Variants in SPOCK1 observed in about 807,000 individuals in gnomAD.
The protein encoded by SPOCK1 is testican-1.
A neutral mutation model predicts 55.3 loss-of-function variants in SPOCK1; 23 were observed. That is an observed-to-expected ratio of 0.42 (90% CI 0.30 to 0.59). The LOEUF (loss-of-function observed/expected upper bound fraction) is 0.59. SPOCK1 is among the 20% of genes least tolerant of loss of function. SPOCK1 has a pLI of 0.22. For missense variants in SPOCK1, 499 were observed against 552.5 expected (o/e 0.90, Z 0.97); for synonymous variants, 226 against 221.0 (o/e 1.02, Z -0.20).
At chr5:137,012,590 A>C (rs1171942759) in intron 6 of SPOCK1, among the ~76,000 whole-genome samples, 1 of 152,198 alleles carries the variant, frequency 6.6e-6, no homozygotes, top group Non-Finnish European at 1.5e-5. Flanking sequence ...AGTTTGCCCC[A>C]AGGCTGTCTG....
At chr5:136,992,399 G>GGT in intron 7 of SPOCK1, 85 bp downstream of exon 7, 1 of 973,366 alleles carries the variant, frequency 1.0e-6, no homozygotes, top group Non-Finnish European at 1.5e-6. Context: ...TAATGTAATG[G>GGT]GTGTTTTTCA....
rs192596195 is a variant in SPOCK1, at chr5:137,398,541, A to T, written c.186+99832T>A. 2.4e-3 allele frequency among the ~76,000 whole-genome samples: 360 copies of T among 152,286 alleles called. 6 individuals are homozygous for T. Among genetic ancestry groups the T allele is most frequent in the Admixed American group, 0.021 (325 of 15,302 alleles). ...ACTCAATCCCTTCAAGCAGCTTCTG[A>T]TAGGATATGCAGAACACATTCTTCT... On this transcript the variant is annotated intron_variant, in intron 2 of 10. Transcript: ENST00000394945.
chr5:137,145,155 CA>C (rs781482791), intron 3 of SPOCK1, among the ~76,000 whole-genome samples: 2 of 152,136 alleles, frequency 1.3e-5, no homozygotes, highest in Non-Finnish European at 2.9e-5. Context: ...TGACTTTTTA[CA>C]GAAACCTTTC....
At chr5:137,408,727 A>G (rs1429262357) in intron 2 of SPOCK1, among the ~76,000 whole-genome samples, 1 of 152,152 alleles carries the variant, frequency 6.6e-6, no homozygotes, top group Non-Finnish European at 1.5e-5. Flanking sequence ...ATGTCATGGT[A>G]AAGGACACCA....
intron 2 of SPOCK1, among the ~76,000 whole-genome samples, chr5:137,456,674 A>G (rs369394474): frequency 2.8e-4 from 42 of 152,344 alleles, no homozygotes; most frequent in African/African-American, 9.9e-4. Context: ...TCAAGGAGGT[A>G]ATAATGAATG....
chr5:137,469,712 C>A (rs548169783), intron 2 of SPOCK1, among the ~76,000 whole-genome samples: 2 of 152,300 alleles, frequency 1.3e-5, no homozygotes, highest in South Asian at 2.1e-4. Context: ...GATATACACA[C>A]CCCGTTCTCC....
intron 2 of SPOCK1, among the ~76,000 whole-genome samples, chr5:137,281,598 G>T (rs986444456): frequency 6.6e-5 from 10 of 152,242 alleles, no homozygotes; most frequent in Non-Finnish European, 1.3e-4. Context: ...CCAGAAATAT[G>T]CAGGAGAAAG....
rs950723172 is a variant in SPOCK1 at position 137,157,543 on chromosome 5, C to T, written c.233-16849G>A. 1.1e-4 allele frequency among the ~76,000 whole-genome samples: 16 copies of T among 152,190 alleles called. 1 individual carries two copies. The highest frequency in any genetic ancestry group is 2.4e-4 in the Non-Finnish European group (16 of 68,034). On this transcript the variant is annotated intron_variant, in intron 3 of 10. Transcript: ENST00000394945. ...CCCAGAGCAAGAAAGGGACCTCTTC[C>T]TCCCAGTGCTTTTGCTGGGCTGGGT...
chr5:137,208,847 C>A (rs1755563274), intron 3 of SPOCK1, among the ~76,000 whole-genome samples: 1 of 151,968 alleles, frequency 6.6e-6, no homozygotes, highest in Non-Finnish European at 1.5e-5. Context: ...ACATGTACCC[C>A]CTGAATCTAA....
At chr5:137,180,441 C>T (rs1296462448) in intron 3 of SPOCK1, among the ~76,000 whole-genome samples, 2 of 152,076 alleles carry the variant, frequency 1.3e-5, no homozygotes, top group Non-Finnish European at 2.9e-5. Context: ...TATCTTATTC[C>T]TCAATGGCTC....
chr5:137,041,590 A>C (rs1167456298), intron 6 of SPOCK1, among the ~76,000 whole-genome samples: 2 of 152,254 alleles, frequency 1.3e-5, no homozygotes, highest in East Asian at 3.8e-4. Context: ...TGTATCCAAA[A>C]TACAAACGCT....
intron 2 of SPOCK1, among the ~76,000 whole-genome samples, chr5:137,436,227 G>A (rs1229145010): frequency 6.6e-6 from 1 of 152,022 alleles, no homozygotes; most frequent in African/African-American, 2.4e-5. Context: ...TTTTGTTTCT[G>A]TTGACTTCCC....
chr5:137,082,463 G>A (rs1216829268), intron 5 of SPOCK1, among the ~76,000 whole-genome samples: 1 of 152,180 alleles, frequency 6.6e-6, no homozygotes, highest in Non-Finnish European at 1.5e-5. Flanking sequence ...GGTGGCATGG[G>A]TGCAGTCAAG....
At chr5:137,266,391 TA>T (rs758660095) in intron 3 of SPOCK1, among the ~76,000 whole-genome samples, 4 of 152,200 alleles carry the variant, frequency 2.6e-5, no homozygotes, top group Non-Finnish European at 4.4e-5. Context: ...GTGTCTTAAA[TA>T]ACTCACAGGA....
At chr5:137,349,321 T>C (rs543607560) in intron 2 of SPOCK1, among the ~76,000 whole-genome samples, 4 of 152,326 alleles carry the variant, frequency 2.6e-5, no homozygotes, top group African/African-American at 9.6e-5. Context: ...ACCTGCAATA[T>C]TTGAAAGCAT....
At chr5:137,498,266 CCACACACACA>C (rs544933594) in intron 2 of SPOCK1, 97 bp downstream of exon 2, 76 of 796,388 alleles carry the variant, frequency 9.5e-5, no homozygotes, top group East Asian at 6.7e-4. Context: ...CCCCTCCCAA[CCACACACACA>C]CACACACACA....
chr5:137,294,117 A>T (rs1757432381), intron 2 of SPOCK1, among the ~76,000 whole-genome samples: 1 of 152,210 alleles, frequency 6.6e-6, no homozygotes, highest in African/African-American at 2.4e-5. Context: ...GGAATTGAGC[A>T]TTTAATCTTA....
At chr5:137,411,833 C>A (rs1201327429) in intron 2 of SPOCK1, among the ~76,000 whole-genome samples, 1 of 152,224 alleles carries the variant, frequency 6.6e-6, no homozygotes, top group African/African-American at 2.4e-5. Flanking sequence ...ACTTTCACTT[C>A]ATCCCATAGC....
At chr5:137,470,473 T>C (rs1753712991) in intron 2 of SPOCK1, among the ~76,000 whole-genome samples, 1 of 151,964 alleles carries the variant, frequency 6.6e-6, no homozygotes, top group African/African-American at 2.4e-5. Flanking sequence ...TAATAAGAAG[T>C]CCAAACCCAG....
Sources: allele counts gnomAD v4.1 joint callset (sites outside exome capture counted in the v4.1 genomes callset), GRCh38; gene constraint gnomAD v4.1.1; transcripts MANE v1.5; gene names NCBI Gene and HGNC (gene_info 2026-07-23, HGNC 2026-07-21).